The following FAM24B variants were observed in gnomAD, a reference collection of about 807,000 sequenced individuals.
The protein encoded by FAM24B is family with sequence similarity 24 member B, also known as protein FAM24B.
In FAM24B, 3 loss-of-function variants were observed where a neutral mutation model predicts 2.3. That is an observed-to-expected ratio of 1.29 (90% confidence interval 0.59 to 3.32). The LOEUF is 3.32. FAM24B is among the 30% of genes most tolerant of loss of function. The pLI, the probability that FAM24B is intolerant of heterozygous loss-of-function variation, is 0.03. For missense variants in FAM24B, 98 were observed against 117.2 expected (o/e 0.84, Z 0.76); for synonymous variants, 36 against 46.3 (o/e 0.78, Z 0.90).
chr10:122,863,367 G>A (rs1170874637), intron 1 of FAM24B, among the ~76,000 whole-genome samples: 1 of 152,162 alleles, frequency 6.6e-6, no homozygotes, highest in Non-Finnish European at 1.5e-5. Context: ...TGGACATATG[G>A]AGGTTAGGAA....
At chr10:122,861,598 T>C (rs1365848369) in intron 1 of FAM24B, among the ~76,000 whole-genome samples, 4 of 152,232 alleles carry the variant, frequency 2.6e-5, no homozygotes, top group Non-Finnish European at 5.9e-5. Flanking sequence ...TATTTAGATA[T>C]TCTTTGATTA....
At chr10:122,853,408 G>T (rs1197166052) in intron 2 of FAM24B, among the ~76,000 whole-genome samples, 1 of 152,030 alleles carries the variant, frequency 6.6e-6, no homozygotes, top group Non-Finnish European at 1.5e-5. Flanking sequence ...GTATTTTCAT[G>T]CCTGTGACCT....
intron 1 of FAM24B, among the ~76,000 whole-genome samples, chr10:122,871,110 A>G (rs1231031010): frequency 4.6e-5 from 7 of 152,092 alleles, no homozygotes; most frequent in African/African-American, 1.7e-4. Context: ...AAATCAATGT[A>G]CAAAAATCAC....
At chr10:122,851,471 T>C (rs1847534914) in intron 2 of FAM24B, among the ~76,000 whole-genome samples, 1 of 152,236 alleles carries the variant, frequency 6.6e-6, no homozygotes, top group South Asian at 2.1e-4. Context: ...GGACACACGC[T>C]GTGTGACATC....
chr10:122,864,571 T>C (rs186435311), intron 1 of FAM24B, among the ~76,000 whole-genome samples: 2 of 152,334 alleles, frequency 1.3e-5, no homozygotes, highest in East Asian at 3.9e-4. Flanking sequence ...ACAATATTAA[T>C]ATATTAACTA....
chr10:122,853,968 A>AAGGT (rs1847591679), intron 2 of FAM24B, among the ~76,000 whole-genome samples: 1 of 152,122 alleles, frequency 6.6e-6, no homozygotes, highest in South Asian at 2.1e-4. Flanking sequence ...TTGCTTTTTC[A>AAGGT]AGGTGTCTGT....
chr10:122,858,179 T>G (rs1847668321), intron 1 of FAM24B, among the ~76,000 whole-genome samples: 2 of 151,996 alleles, frequency 1.3e-5, no homozygotes, highest in Non-Finnish European at 2.9e-5. Context: ...ATAGACTGGA[T>G]TAAGAAAATG....
intron 1 of FAM24B, among the ~76,000 whole-genome samples, chr10:122,876,653 A>G (rs1847980645): frequency 6.6e-6 from 1 of 152,156 alleles, no homozygotes; most frequent in Admixed American, 6.5e-5. Flanking sequence ...TGTTCCTAGC[A>G]TGCTGATATC....
intron 1 of FAM24B, among the ~76,000 whole-genome samples, chr10:122,870,039 T>C (rs1048030393): frequency 5.9e-5 from 9 of 152,036 alleles, no homozygotes; most frequent in East Asian, 1.9e-4. Context: ...AGACCGCTAG[T>C]AAGACTAATA....
chr10:122,849,698 G>A (rs1215068802), intron 3 of FAM24B, among the ~76,000 whole-genome samples: 2 of 152,040 alleles, frequency 1.3e-5, no homozygotes, highest in Non-Finnish European at 2.9e-5. Flanking sequence ...GGTCACTGCA[G>A]GCCCCCGAGA....
At position 122,850,429 on chromosome 10, in the gene FAM24B, C is replaced by A. The variant is rs777497894; in HGVS notation, c.87G>T (p.Ala29=). The A allele has an allele frequency of 3.7e-6, 6 of 1,613,226 alleles. No homozygotes were observed. In the South Asian group the frequency reaches 6.6e-5, roughly 18 times the overall value. Reference sequence around the variant, plus strand: ...ATTTTGAACTTGTGACTCACTTTAGCGCGTTGTGTATTTTGAAGTAAAGAC... The same window carrying A: ...ATTTTGAACTTGTGACTCACTTTAGAGCGTTGTGTATTTTGAAGTAAAGAC... The part of the protein sequence containing the change: ...VLCLYFKIHN[A]LKAAKEPEAV... The change falls in exon 3 of 4, where the codon GCG becomes GCT. Residue 29 remains alanine, a synonymous_variant. Transcript: ENST00000368898.
chr10:122,865,705 C>T (rs1346262038), intron 1 of FAM24B, among the ~76,000 whole-genome samples: 1 of 151,804 alleles, frequency 6.6e-6, no homozygotes, highest in African/African-American at 2.4e-5. Context: ...ATTTTTGCCA[C>T]AAATGTTTGG....
At chr10:122,865,037 T>A (rs1847781238) in intron 1 of FAM24B, among the ~76,000 whole-genome samples, 1 of 152,334 alleles carries the variant, frequency 6.6e-6, no homozygotes, top group African/African-American at 2.4e-5. Flanking sequence ...CATATGCAGG[T>A]TTTTGTGTAC....
intron 1 of FAM24B, among the ~76,000 whole-genome samples, chr10:122,877,277 T>A (rs915434489): frequency 6.6e-6 from 1 of 152,216 alleles, no homozygotes; most frequent in Non-Finnish European, 1.5e-5. Flanking sequence ...AAGAGTTTAA[T>A]AGACATAAGG....
At chr10:122,860,791 T>C (rs1333410449) in intron 1 of FAM24B, among the ~76,000 whole-genome samples, 3 of 152,240 alleles carry the variant, frequency 2.0e-5, no homozygotes, top group African/African-American at 7.2e-5. Flanking sequence ...TCTTTTCATA[T>C]GCTTATTTGC....
chr10:122,853,308 A>G (rs1331685963), intron 2 of FAM24B, among the ~76,000 whole-genome samples: 2 of 152,044 alleles, frequency 1.3e-5, no homozygotes, highest in Admixed American at 6.6e-5. Context: ...TACATTTTGT[A>G]CCCTGGGCCC....
chr10:122,866,330 C>A (rs568661693), intron 1 of FAM24B, among the ~76,000 whole-genome samples: 2 of 152,030 alleles, frequency 1.3e-5, no homozygotes. Flanking sequence ...TTTCAAAGAA[C>A]CAGCTTTTGA....
chr10:122,858,686 C>CTTTCTG (rs1280991875), intron 1 of FAM24B, among the ~76,000 whole-genome samples: 1 of 152,110 alleles, frequency 6.6e-6, no homozygotes, highest in Non-Finnish European at 1.5e-5. Context: ...GTTCTAGGAA[C>CTTTCTG]TGGGGAAAGA....
intron 1 of FAM24B, among the ~76,000 whole-genome samples, chr10:122,858,745 A>ATTTC (rs1439156829): frequency 6.6e-6 from 1 of 152,082 alleles, no homozygotes; most frequent in Non-Finnish European, 1.5e-5. Flanking sequence ...TGGGGCACAC[A>ATTTC]GAGCCTCTGA....
Sources: allele counts gnomAD v4.1 joint callset (sites outside exome capture counted in the v4.1 genomes callset), GRCh38; gene constraint gnomAD v4.1.1; transcripts MANE v1.5; gene names NCBI Gene and HGNC (gene_info 2026-07-23, HGNC 2026-07-21).